The following ZDHHC11 variants were observed in gnomAD, a reference collection of about 807,000 sequenced individuals.
ZDHHC11 encodes zDHHC palmitoyltransferase 11, also known as palmitoyltransferase ZDHHC11.
In ZDHHC11, 44 loss-of-function variants were observed where a neutral mutation model predicts 51.3. The observed-to-expected ratio is 0.86, with a 90% CI of 0.67 to 1.10. The LOEUF is 1.10. ZDHHC11 is among the 50% of genes least tolerant of loss of function. The probability of loss-of-function intolerance (pLI) is 0.00; values close to 1 mark genes in which losing one functional copy is unlikely to be tolerated. For synonymous variants in ZDHHC11, 163 were observed against 222.0 expected (o/e 0.73, Z 2.36); for missense variants, 400 against 537.7 (o/e 0.74, Z 2.53).
At chr5:825,113 T>G (rs536301006) in intron 8 of ZDHHC11, 51 bp downstream of exon 8, 1 of 1,559,784 alleles carries the variant, frequency 6.4e-7, no homozygotes, top group African/African-American at 1.3e-5. Flanking sequence ...AGACCACATA[T>G]TCTGCACACG....
chr5:804,944 C>T (rs1285618387), intron 11 of ZDHHC11, among the ~76,000 whole-genome samples: 2 of 151,388 alleles, frequency 1.3e-5, no homozygotes, highest in Non-Finnish European at 3.0e-5. Context: ...AAATAAAGAA[C>T]ACAGGTAAAT....
rs772341930 is a variant in ZDHHC11, at chr5:850,465, C to T, written c.138G>A (p.Trp46Ter). 1.2e-6 allele frequency: 2 copies of T among 1,613,666 alleles called. No individual in the cohort carries two copies. Among genetic ancestry groups the T allele is most frequent in the African/African-American group, 1.3e-5 (1 of 75,064 alleles). The change falls in exon 1 of 13, where the codon TGG becomes TGA. Residue 46 changes from tryptophan (W) to a stop codon, truncating the protein, a stop_gained. Transcript: ENST00000283441. LOFTEE classifies it high-confidence loss of function. ...CCGAGGAAAGGCCCACGAAGACAGC[C>T]CAGGTCACCACCTGGAAGTAGTGCA... ...LPLHYFQVVT[W>*]AVFVGLSSAT...
chr5:816,515 ACT>A (rs1159738054), intron 10 of ZDHHC11: 1 of 523,486 alleles, frequency 1.9e-6, no homozygotes, highest in Non-Finnish European at 3.8e-6. Context: ...GCTGTGAAAA[ACT>A]CTGGATGATT....
intron 6 of ZDHHC11, among the ~76,000 whole-genome samples, chr5:835,171 A>G (rs1743653554): frequency 6.6e-6 from 1 of 150,868 alleles, no homozygotes; most frequent in South Asian, 2.1e-4. Context: ...TTTAGGTGTC[A>G]GATGGATTTG....
chr5:836,884 A>G (rs971175112), intron 6 of ZDHHC11, among the ~76,000 whole-genome samples: 1 of 149,542 alleles, frequency 6.7e-6, no homozygotes, highest in African/African-American at 2.5e-5. Context: ...TGTTAAAACC[A>G]CATCTCTACT....
intron 3 of ZDHHC11, among the ~76,000 whole-genome samples, chr5:844,417 G>A (rs1487828710): frequency 1.6e-4 from 25 of 152,394 alleles, no homozygotes; most frequent in African/African-American, 3.8e-4. Context: ...GCCTACCAGC[G>A]GAGCATGAGG....
At position 844,160 on chromosome 5, in the gene ZDHHC11, G is replaced by A. The variant is rs1313914026; in HGVS notation, c.504-436C>T. Among the ~76,000 whole-genome samples, 5 of 152,182 alleles carry A rather than the reference G, an allele frequency of 3.3e-5. No homozygotes were observed. The East Asian group carries it at 9.6e-4, about 29-fold the overall frequency. ...GGCCTCAAACCCTGCTCCCGACCGC[G>A]CCTGGAAGCTCAGGCTCCTGTCTCT... On this transcript the variant is annotated intron_variant, in intron 3 of 12. Transcript: ENST00000283441.
intron 11 of ZDHHC11, among the ~76,000 whole-genome samples, chr5:803,348 G>A (rs1325931456): frequency 6.6e-6 from 1 of 151,374 alleles, no homozygotes; most frequent in Admixed American, 6.6e-5. Flanking sequence ...TTTGTAGCTT[G>A]TTTGTAGCTA....
At chr5:816,682 G>A in intron 10 of ZDHHC11, 1 of 610,208 alleles carries the variant, frequency 1.6e-6, no homozygotes, top group South Asian at 1.5e-5. Context: ...AGCCCGTTTT[G>A]GCTTTGTGAT....
rs1248428191 is a variant in ZDHHC11 at position 816,392 on chromosome 5, G to A, written c.1147-1597C>T. On this transcript the variant is annotated intron_variant, in intron 10 of 12. Transcript: ENST00000283441. ...GCGGGAGGGGGGCGGTAGCGCAGGC[G>A]GTGGTGGGGTTGGCGGGGGTTCCAG... 57 of 410,380 alleles carry A rather than the reference G, an allele frequency of 1.4e-4. 2 individuals carry two copies. The highest frequency in any genetic ancestry group is 7.9e-4 in the African/African-American group (39 of 49,290). 25.4% of individuals were successfully genotyped at this position (410,380 alleles called of 1,614,324 possible).
intron 10 of ZDHHC11, among the ~76,000 whole-genome samples, chr5:818,795 A>G (rs1741177037): frequency 6.6e-6 from 1 of 151,520 alleles, no homozygotes; most frequent in African/African-American, 2.4e-5. Flanking sequence ...CAGGAGGTGG[A>G]GGCTGCAGTG....
chr5:806,083 G>A lies in ZDHHC11; in HGVS notation c.1182-4919C>T, dbSNP rs1302298864. The stretch of plus-strand genomic sequence containing the variant: ...GAGGTGCTGGAAAGGAAAGAGTGGG[G>A]TTAGTGATCATAATACTGAATAACT... On this transcript the variant is annotated intron_variant, in intron 11 of 12. Transcript: ENST00000283441. 3.3e-5 allele frequency among the ~76,000 whole-genome samples: 5 copies of A among 151,200 alleles called. 1 individual carries two copies. The highest frequency in any genetic ancestry group is 6.6e-5 in the Admixed American group (1 of 15,164).
At chr5:834,405 C>G (rs10079196) in intron 6 of ZDHHC11, among the ~76,000 whole-genome samples, 11,753 of 150,768 alleles carry the variant, frequency 0.078, 8 homozygotes, top group Admixed American at 0.17. Context: ...GAACTCCTGG[C>G]CTCAAGCAAT....
intron 11 of ZDHHC11, among the ~76,000 whole-genome samples, chr5:810,556 T>A (rs1199801400): frequency 6.6e-6 from 1 of 151,182 alleles, no homozygotes; most frequent in Non-Finnish European, 1.5e-5. Context: ...AAGCGTGACA[T>A]GATTTAAACA....
At chr5:837,344 G>T (rs375369445) in intron 6 of ZDHHC11, 21 bp downstream of exon 6, 55 of 1,612,228 alleles carry the variant, frequency 3.4e-5, no homozygotes, top group Non-Finnish European at 4.3e-5. Flanking sequence ...TGGAGAAATG[G>T]AGCAGAGAGA....
intron 12 of ZDHHC11, among the ~76,000 whole-genome samples, chr5:797,277 G>C (rs1312120108): frequency 2.0e-5 from 3 of 151,368 alleles, no homozygotes; most frequent in Non-Finnish European, 3.0e-5. Flanking sequence ...GAATTATGTT[G>C]TGTCTAGAAT....
chr5:817,965 G>T (rs759331815), intron 10 of ZDHHC11, among the ~76,000 whole-genome samples: 1 of 151,432 alleles, frequency 6.6e-6, no homozygotes, highest in East Asian at 1.9e-4. Context: ...TGCCACGGAC[G>T]CGGGTGTCAG....
chr5:856,968 CCACACACAG>C (rs1748351090), intron 1 of ZDHHC11, among the ~76,000 whole-genome samples: 1 of 151,412 alleles, frequency 6.6e-6, no homozygotes, highest in South Asian at 2.1e-4. Flanking sequence ...ACACCGCATA[CCACACACAG>C]CACACAAACC....
intron 11 of ZDHHC11, among the ~76,000 whole-genome samples, chr5:811,435 G>C (rs1403935483): frequency 7.0e-6 from 1 of 142,830 alleles, no homozygotes; most frequent in Non-Finnish European, 1.5e-5. Context: ...TGATGAATGG[G>C]GCACTTCTCC....
Sources: gnomAD v4.1 joint callset for allele counts (sites outside exome capture counted in the v4.1 genomes callset) on GRCh38, gnomAD v4.1.1 for gene constraint, MANE v1.5 for transcripts, NCBI Gene and HGNC (gene_info 2026-07-23, HGNC 2026-07-21) for gene names.